VXN: variants seen among roughly 807,000 people sequenced by gnomAD.
VXN encodes vexin.
A neutral mutation model predicts 23.1 loss-of-function variants in VXN; 7 were observed. That is an observed-to-expected ratio of 0.30 (90% confidence interval 0.17 to 0.57). The LOEUF (loss-of-function observed/expected upper bound fraction) is 0.57, where lower values mean the gene tolerates loss of function less well. Among genes scored for constraint, VXN ranks in the 20% least tolerant of loss-of-function variants. The pLI is 0.91. For missense variants in VXN, 238 were observed against 272.6 expected (o/e 0.87, Z 0.89); for synonymous variants, 120 against 105.8 (o/e 1.13, Z -0.83).
intron 3 of VXN, among the ~76,000 whole-genome samples, chr8:66,509,532 T>C (rs1480471747): frequency 2.0e-5 from 3 of 152,166 alleles, no homozygotes; most frequent in African/African-American, 7.2e-5. Flanking sequence ...CTGCTCATTT[T>C]TAGAGGGGTG....
intron 4 of VXN, among the ~76,000 whole-genome samples, chr8:66,510,704 T>C (rs1807811913): frequency 6.6e-6 from 1 of 152,208 alleles, no homozygotes; most frequent in South Asian, 2.1e-4. Flanking sequence ...GACGGCTCTC[T>C]TTCTGGCTTG....
In VXN at chr8:66,493,580, T is replaced by C; in HGVS notation, c.-69T>C. The C allele has an allele frequency of 7.6e-7, 1 of 1,315,396 alleles. No homozygotes were observed. The highest frequency in any genetic ancestry group is 1.7e-5 in the Admixed American group (1 of 59,212). The allele number at this position is 1,315,396 out of a possible 1,614,324, so 81.5% of individuals were successfully genotyped here. ...ATCCCTGAGCCAGACTGGATTAGGA[T>C]GCCTCGCGACTAGGGGTCCAGAGAC... On this transcript the variant is annotated 5_prime_UTR_variant, in exon 1 of 6. It removes an upstream start codon present in the reference 5' UTR. Transcript: ENST00000305454.
chr8:66,505,497 A>G lies in VXN; in HGVS notation c.249A>G (p.Thr83=). The change falls in exon 3 of 6, where the codon ACA becomes ACG. Residue 83 remains threonine (T), a synonymous_variant. Coordinates refer to ENST00000305454, the MANE Select transcript of VXN (RefSeq NM_152765.4). ...FGRLQTARPP[T]AHPAKASARP... The stretch of plus-strand genomic sequence containing the variant: ...GGCTCCAGACCGCGCGGCCGCCCAC[A>G]GCCCACCCGGCCAAAGCCTCTGCCA... 2 of 1,554,594 alleles carry G rather than the reference A, an allele frequency of 1.3e-6. No homozygotes were observed. Among genetic ancestry groups the G allele is most frequent in the Non-Finnish European group, 1.7e-6 (2 of 1,152,618 alleles).
chr8:66,505,672 G>A, intron 3 of VXN, 144 bp downstream of exon 3: 1 of 1,035,370 alleles, frequency 9.7e-7, no homozygotes, highest in Non-Finnish European at 1.3e-6. Context: ...GCTTTCCCAA[G>A]TAAATGCTGT....
At chr8:66,506,120 T>A (rs937247292) in intron 3 of VXN, among the ~76,000 whole-genome samples, 5 of 152,080 alleles carry the variant, frequency 3.3e-5, no homozygotes, top group African/African-American at 1.2e-4. Context: ...GGCCCTACTG[T>A]ATTCTAGAGA....
intron 3 of VXN, among the ~76,000 whole-genome samples, chr8:66,509,429 C>T (rs1258271108): frequency 2.0e-5 from 3 of 152,194 alleles, no homozygotes; most frequent in Non-Finnish European, 2.9e-5. Context: ...CCATACATCT[C>T]GTAAAGCCAG....
At chr8:66,515,534 T>G (rs1807877645) in intron 5 of VXN, among the ~76,000 whole-genome samples, 2 of 152,244 alleles carry the variant, frequency 1.3e-5, no homozygotes, top group Admixed American at 1.3e-4. Flanking sequence ...CCTCATGCTC[T>G]TTCAATAGCT....
rs1356110647 is a variant in VXN, at chr8:66,516,189, A to G, written c.*113A>G. The G allele has an allele frequency of 2.2e-6, 2 of 925,922 alleles. No homozygotes were observed. Among genetic ancestry groups the G allele is most frequent in the Non-Finnish European group, 1.6e-6 (1 of 644,816 alleles). The allele number at this position is 925,922 out of a possible 1,614,324, so 57.4% of individuals were successfully genotyped here. ...CTCTGCTAGTAGCTGGTCCAAACCCATTATCCTCCCTCACTCATTGATTAC... is the reference window on the plus strand; with the variant it reads ...CTCTGCTAGTAGCTGGTCCAAACCCGTTATCCTCCCTCACTCATTGATTAC... On this transcript the variant is annotated 3_prime_UTR_variant, in exon 6 of 6. Coordinates refer to ENST00000305454, the MANE Select transcript of VXN (RefSeq NM_152765.4).
intron 2 of VXN, 112 bp downstream of exon 2, chr8:66,496,604 G>A: frequency 1.1e-6 from 1 of 943,952 alleles, no homozygotes; most frequent in Non-Finnish European, 1.7e-6. Flanking sequence ...GGGTTTCAGT[G>A]TTCCATGTGG....
intron 2 of VXN, 158 bp from the exon 3 acceptor site, chr8:66,505,217 C>A: frequency 9.8e-7 from 1 of 1,019,290 alleles, no homozygotes; most frequent in Non-Finnish European, 1.5e-6. Context: ...CGGTTTCCTG[C>A]CCAGATTTTG....
intron 2 of VXN, among the ~76,000 whole-genome samples, chr8:66,499,281 G>A (rs1167167769): frequency 7.0e-6 from 1 of 143,000 alleles, no homozygotes; most frequent in Non-Finnish European, 1.5e-5. Flanking sequence ...CACCCAGACT[G>A]GAGTGCAGTG....
In VXN at chr8:66,505,476, C is replaced by G; in HGVS notation, c.228C>G (p.Leu76=). 6.4e-7 allele frequency: 1 copy of G among 1,573,862 alleles called. No homozygotes were observed. ...DPGDRRRFGR[L]QTARPPTAHP... ...GCGACCGCCGCAGGTTTGGGCGGCTCCAGACCGCGCGGCCGCCCACAGCCC... is the reference window on the plus strand; with the variant it reads ...GCGACCGCCGCAGGTTTGGGCGGCTGCAGACCGCGCGGCCGCCCACAGCCC... The change falls in exon 3 of 6, where the codon CTC becomes CTG. Residue 76 remains leucine, a synonymous_variant. Transcript: ENST00000305454.
chr8:66,514,078 G>A lies in VXN; in HGVS notation c.440+441G>A, dbSNP rs77883315. ...ACTTGAAACTGCAGTGAGACTGCTCGCTTTCATCCAGAACCGGCAGCTAGG... is the reference window on the plus strand; with the variant it reads ...ACTTGAAACTGCAGTGAGACTGCTCACTTTCATCCAGAACCGGCAGCTAGG... On this transcript the variant is annotated intron_variant, in intron 5 of 5. Coordinates refer to ENST00000305454, the MANE Select transcript of VXN (RefSeq NM_152765.4). The A allele has an allele frequency of 3.3e-3, 560 of 170,130 alleles. 1 individual carries two copies. The highest frequency in any genetic ancestry group is 4.0e-3 in the Non-Finnish European group (323 of 81,102). The allele number at this position is 170,130 out of a possible 1,614,324, so 10.5% of individuals were successfully genotyped here. A position where few individuals can be genotyped will look rare whatever the true frequency, so the allele number is the denominator to read the frequency against.
chr8:66,500,215 G>T (rs550969615), intron 2 of VXN, among the ~76,000 whole-genome samples: 2 of 152,232 alleles, frequency 1.3e-5, no homozygotes, highest in South Asian at 4.1e-4. Context: ...GTTCTTAAAT[G>T]ATTCCGAGGA....
At chr8:66,513,423 G>C (rs1375735192) in intron 4 of VXN, 117 bp from the exon 5 acceptor site, 2 of 856,630 alleles carry the variant, frequency 2.3e-6, no homozygotes, top group Non-Finnish European at 2.0e-6. Context: ...GAATGATGAG[G>C]ACTATGCCCA....
intron 2 of VXN, among the ~76,000 whole-genome samples, chr8:66,502,304 G>C (rs1302534391): frequency 6.6e-6 from 1 of 152,160 alleles, no homozygotes; most frequent in African/African-American, 2.4e-5. Flanking sequence ...TTCTGGCATG[G>C]AGCCACGACA....
At chr8:66,507,625 G>T (rs902421897) in intron 3 of VXN, among the ~76,000 whole-genome samples, 3 of 152,176 alleles carry the variant, frequency 2.0e-5, no homozygotes, top group Admixed American at 6.5e-5. Flanking sequence ...TATTCTGAAA[G>T]ACAAGAGCAA....
chr8:66,512,245 G>C (rs1199163483), intron 4 of VXN, among the ~76,000 whole-genome samples: 2 of 152,138 alleles, frequency 1.3e-5, no homozygotes, highest in Admixed American at 6.5e-5. Context: ...TGCTGGGTGA[G>C]ATTGGCCTAA....
At chr8:66,506,397 T>C (rs1436257164) in intron 3 of VXN, among the ~76,000 whole-genome samples, 1 of 151,888 alleles carries the variant, frequency 6.6e-6, no homozygotes, top group East Asian at 1.9e-4. Flanking sequence ...GGAAACATTA[T>C]AGTTTTACCT....
Sources: gnomAD v4.1 joint callset for allele counts (sites outside exome capture counted in the v4.1 genomes callset) on GRCh38, gnomAD v4.1.1 for gene constraint, MANE v1.5 for transcripts, NCBI Gene and HGNC (gene_info 2026-07-23, HGNC 2026-07-21) for gene names.